MEMO1: variants seen among roughly 807,000 people sequenced by gnomAD.
MEMO1 encodes mediator of cell motility 1.
MEMO1 carries 6 observed loss-of-function variants against 45.2 expected under a neutral mutation model. That is an observed-to-expected ratio of 0.13 (90% CI 0.07 to 0.26). The LOEUF (loss-of-function observed/expected upper bound fraction) is 0.26, where lower values mean the gene tolerates loss of function less well. MEMO1 is among the 10% of genes least tolerant of loss of function. The probability of loss-of-function intolerance (pLI) is 1.00; values close to 1 mark genes in which losing one functional copy is unlikely to be tolerated. For synonymous variants in MEMO1, 78 were observed against 124.3 expected (o/e 0.63, Z 2.48); for missense variants, 184 against 370.5 (o/e 0.50, Z 4.13).
At chr2:32,008,138 T>C (rs1028608082) in intron 2 of MEMO1, among the ~76,000 whole-genome samples, 3 of 152,254 alleles carry the variant, frequency 2.0e-5, no homozygotes, top group Admixed American at 2.0e-4. Context: ...TGAGCTGGAT[T>C]AACGAATTCA....
intron 3 of MEMO1, among the ~76,000 whole-genome samples, chr2:31,938,401 C>G (rs909928833): frequency 4.6e-5 from 7 of 151,366 alleles, no homozygotes; most frequent in Non-Finnish European, 8.8e-5. Flanking sequence ...AATCCCAGCA[C>G]TTTGGGAGGC....
intron 2 of MEMO1, among the ~76,000 whole-genome samples, chr2:32,005,540 A>G (rs1338292088): frequency 6.6e-6 from 1 of 152,036 alleles, no homozygotes; most frequent in East Asian, 1.9e-4. Context: ...AAAGTATGTC[A>G]TACTTTAAAA....
intron 2 of MEMO1, chr2:31,963,410 T>C (rs890669174): frequency 2.1e-6 from 2 of 935,746 alleles, no homozygotes; most frequent in African/African-American, 1.7e-5. Context: ...CAAGGAAAGC[T>C]AAAATATCTA....
intron 6 of MEMO1, chr2:31,893,235 C>T (rs1013496520): frequency 7.8e-6 from 6 of 768,146 alleles, no homozygotes; most frequent in Non-Finnish European, 1.1e-5. Flanking sequence ...CCATAAGGCC[C>T]CCTTACCCTG....
chr2:31,908,319 T>A (rs1367434918), intron 6 of MEMO1, among the ~76,000 whole-genome samples: 1 of 152,118 alleles, frequency 6.6e-6, no homozygotes. Flanking sequence ...AAACAGGTGC[T>A]AGTTAAGATT....
chr2:31,987,450 A>G (rs750110521), intron 2 of MEMO1, among the ~76,000 whole-genome samples: 1 of 152,256 alleles, frequency 6.6e-6, no homozygotes, highest in Admixed American at 6.5e-5. Context: ...TAGTACAGTC[A>G]TATTAACCAA....
intron 2 of MEMO1, among the ~76,000 whole-genome samples, chr2:31,999,517 A>C (rs1173589477): frequency 4.6e-5 from 7 of 152,092 alleles, no homozygotes; most frequent in Admixed American, 3.9e-4. Flanking sequence ...CAAAAATACA[A>C]AAATTTGCCA....
chr2:31,959,555 T>C (rs1008313386), intron 2 of MEMO1, among the ~76,000 whole-genome samples: 11 of 151,914 alleles, frequency 7.2e-5, no homozygotes, highest in Admixed American at 5.2e-4. Flanking sequence ...TTGGGAGCCT[T>C]TGAGCAGTTA....
chr2:31,868,247 A>G lies in MEMO1; in HGVS notation c.*114T>C. On this transcript the variant is annotated 3_prime_UTR_variant, in exon 10 of 10. Transcript: ENST00000404530. ...GAAAAAAAGAGAAGAAAGTTCTATTAGTTTGAGGTTTCAGAATCCCCCCAA... is the reference window on the plus strand; with the variant it reads ...GAAAAAAAGAGAAGAAAGTTCTATTGGTTTGAGGTTTCAGAATCCCCCCAA... The G allele has an allele frequency of 2.9e-6, 3 of 1,028,328 alleles. No homozygotes were observed. The highest frequency in any genetic ancestry group is 2.6e-6 in the Non-Finnish European group (2 of 780,740). The allele number at this position is 1,028,328 out of a possible 1,614,324, so 63.7% of individuals were successfully genotyped here. A position where few individuals can be genotyped will look rare whatever the true frequency, so the allele number is the denominator to read the frequency against.
At chr2:31,914,777 G>A (rs1029564277) in intron 6 of MEMO1, among the ~76,000 whole-genome samples, 1 of 151,400 alleles carries the variant, frequency 6.6e-6, no homozygotes. Context: ...AATAAAGTAA[G>A]CTCCCGTCTC....
chr2:31,911,088 T>A (rs1423765422), intron 6 of MEMO1, among the ~76,000 whole-genome samples: 1 of 151,474 alleles, frequency 6.6e-6, no homozygotes, highest in Non-Finnish European at 1.5e-5. Flanking sequence ...GGATAGTAAG[T>A]AAGGTAGATA....
chr2:31,900,191 A>G (rs1211795400), intron 6 of MEMO1, among the ~76,000 whole-genome samples: 1 of 152,232 alleles, frequency 6.6e-6, no homozygotes, highest in Non-Finnish European at 1.5e-5. Context: ...TATATACCCA[A>G]AGGATTATAA....
chr2:31,954,922 A>G (rs537267648), intron 2 of MEMO1, among the ~76,000 whole-genome samples: 75 of 151,880 alleles, frequency 4.9e-4, no homozygotes, highest in African/African-American at 1.8e-3. Context: ...ATTTTTAACA[A>G]CCTCTGCAGG....
chr2:32,001,166 G>A (rs913554834), intron 2 of MEMO1, among the ~76,000 whole-genome samples: 3 of 151,034 alleles, frequency 2.0e-5, no homozygotes, highest in Admixed American at 6.6e-5. Context: ...AGCCTCCCGC[G>A]TAGCTGGGAC....
At chr2:31,954,299 C>T (rs1284222009) in intron 2 of MEMO1, among the ~76,000 whole-genome samples, 1 of 152,064 alleles carries the variant, frequency 6.6e-6, no homozygotes, top group Non-Finnish European at 1.5e-5. Context: ...AATCATAATT[C>T]TTGGCCAGGC....
At chr2:31,893,877 C>T (rs568084226) in intron 6 of MEMO1, among the ~76,000 whole-genome samples, 2 of 152,314 alleles carry the variant, frequency 1.3e-5, no homozygotes, top group South Asian at 4.1e-4. Flanking sequence ...GTATAAAATT[C>T]TATCCTCTGT....
At chr2:31,999,428 T>C (rs1230950984) in intron 2 of MEMO1, among the ~76,000 whole-genome samples, 5 of 152,088 alleles carry the variant, frequency 3.3e-5, no homozygotes, top group Admixed American at 6.6e-5. Flanking sequence ...TCTGGGAGGC[T>C]GAGATAGGAA....
chr2:31,978,677 T>G (rs1670294211), intron 2 of MEMO1, among the ~76,000 whole-genome samples: 1 of 152,204 alleles, frequency 6.6e-6, no homozygotes, highest in Non-Finnish European at 1.5e-5. Context: ...ACCTTGGCCT[T>G]CCAAAGTGCT....
chr2:31,906,282 TC>T (rs769695178), intron 6 of MEMO1, among the ~76,000 whole-genome samples: 5 of 151,368 alleles, frequency 3.3e-5, no homozygotes, highest in Non-Finnish European at 4.4e-5. Context: ...GGAGTGCTAT[TC>T]TTTTGTTTTT....
Sources: allele counts gnomAD v4.1 joint callset (sites outside exome capture counted in the v4.1 genomes callset), GRCh38; gene constraint gnomAD v4.1.1; transcripts MANE v1.5; gene names NCBI Gene and HGNC (gene_info 2026-07-23, HGNC 2026-07-21).